Variants in FAM151A observed in about 807,000 individuals in gnomAD.
The protein encoded by FAM151A is family with sequence similarity 151 member A, also known as protein FAM151A.
In FAM151A, 41 loss-of-function variants were observed where a neutral mutation model predicts 40.4. The ratio of observed to expected loss-of-function variants is 1.01; its 90% CI spans 0.79 to 1.32. The LOEUF (loss-of-function observed/expected upper bound fraction) is 1.32. Among genes scored for constraint, FAM151A ranks in the 40% most tolerant of loss-of-function variants. The probability of loss-of-function intolerance (pLI) is 0.00; values close to 1 mark genes in which losing one functional copy is unlikely to be tolerated. For missense variants in FAM151A, 740 were observed against 740.4 expected, an observed-to-expected ratio of 1.00 and a Z score of 0.01; for synonymous variants, 337 against 312.5, an observed-to-expected ratio of 1.08 and a Z score of -0.83.
At chr1:54,610,129 T>G in intron 7 of FAM151A, 188 bp from the exon 8 acceptor site, 2 of 1,433,014 alleles carry the variant, frequency 1.4e-6, no homozygotes, top group Non-Finnish European at 1.8e-6. Flanking sequence ...CATGAGAAAC[T>G]CTTGTTTCAG....
At position 54,620,109 on chromosome 1, in the gene FAM151A, T is replaced by C. The variant is rs1292258694; in HGVS notation, c.119-102A>G. The C allele has an allele frequency of 5.6e-6, 7 of 1,255,684 alleles. No individual in the cohort carries two copies. The South Asian group carries it at 7.2e-5, about 13-fold the overall frequency. 77.8% of individuals were successfully genotyped at this position (1,255,684 alleles called of 1,614,324 possible). A position where few individuals can be genotyped will look rare whatever the true frequency, so the allele number is the denominator to read the frequency against. The stretch of plus-strand genomic sequence containing the variant: ...CTCCCTGGGCTCCCACTGTGTCCAG[T>C]ACCCCATCTGGCAGAGGGACGGTGA... On this transcript the variant is annotated intron_variant, in intron 1 of 7. Coordinates refer to ENST00000302250, the MANE Select transcript of FAM151A (RefSeq NM_176782.3).
At chr1:54,617,744 T>TA (rs1644188856) in intron 2 of FAM151A, among the ~76,000 whole-genome samples, 11 of 114,488 alleles carry the variant, frequency 9.6e-5, no homozygotes, top group African/African-American at 3.7e-4. Context: ...TTTTTTTTTT[T>TA]ATGAAGTCTC....
chr1:54,622,514 G>C (rs543949014), intron 1 of FAM151A, among the ~76,000 whole-genome samples: 1 of 151,994 alleles, frequency 6.6e-6, no homozygotes, highest in South Asian at 2.1e-4. Flanking sequence ...GGAGGCGGAG[G>C]TTGCAGTGAG....
rs376242637 is a variant in FAM151A at position 54,610,534 on chromosome 1, A to T, written c.962T>A (p.Met321Lys). The change falls in exon 7 of 8, where the codon ATG becomes AAG. Residue 321 changes from methionine (M) to lysine (K), a missense_variant. Physicochemically the swap from Met to Lys is moderately conservative, Grantham distance 95. Transcript: ENST00000302250. ...GATCAGGCTGCCTCCCGTGTAGTACATTGGTTTCCGTGTGGCATTCACTGT... is the reference window on the plus strand; with the variant it reads ...GATCAGGCTGCCTCCCGTGTAGTACTTTGGTTTCCGTGTGGCATTCACTGT... ...QLALNATRKP[M>K]YYTGGSLIPL... The T allele has an allele frequency of 6.8e-6, 11 of 1,612,616 alleles. No homozygotes were observed. The highest frequency in any genetic ancestry group is 8.5e-6 in the Non-Finnish European group (10 of 1,179,298).
In FAM151A at chr1:54,613,122, G is replaced by A. The variant is rs532455289; in HGVS notation, c.576-412C>T. ...CTGCCAGGTGTGGTGGCTCACACCTGTAATCCCAGCACTTTGGGAGGCTGA... is the reference window on the plus strand; with the variant it reads ...CTGCCAGGTGTGGTGGCTCACACCTATAATCCCAGCACTTTGGGAGGCTGA... On this transcript the variant is annotated intron_variant, in intron 4 of 7. Coordinates refer to ENST00000302250, the MANE Select transcript of FAM151A (RefSeq NM_176782.3). 9.2e-5 allele frequency among the ~76,000 whole-genome samples: 14 copies of A among 152,196 alleles called. No homozygotes were observed. In the South Asian group the frequency reaches 2.7e-3, roughly 29 times the overall value.
chr1:54,617,208 C>G (rs1644181898), intron 2 of FAM151A, among the ~76,000 whole-genome samples: 1 of 152,110 alleles, frequency 6.6e-6, no homozygotes, highest in Non-Finnish European at 1.5e-5. Flanking sequence ...TCAGACCTTT[C>G]TAATGGGAAG....
At position 54,609,335 on chromosome 1, in the gene FAM151A, G is replaced by T. The variant is rs1415817435; in HGVS notation, c.1691C>A (p.Thr564Asn). ...CTGGGGTAGCCTGTAGTAGACTCGG[G>T]TCCTGTCCACAGCCCTAGCTGCCAG... ...ALLAARAVDR[T>N]RVYYRLPQGY... is the part of the protein sequence containing the mutation. Residue 564 changes from threonine to asparagine, a missense_variant, in exon 8 of 8, where the codon ACC becomes AAC. Physicochemically the swap from Thr to Asn is moderately conservative, Grantham distance 65. Coordinates refer to ENST00000302250, the MANE Select transcript of FAM151A (RefSeq NM_176782.3). 1 of 1,614,064 alleles carries T rather than the reference G, an allele frequency of 6.2e-7. No individual in the cohort carries two copies. Among genetic ancestry groups the T allele is most frequent in the Non-Finnish European group, 8.5e-7 (1 of 1,179,944 alleles).
At chr1:54,617,793 G>T (rs182295626) in intron 2 of FAM151A, among the ~76,000 whole-genome samples, 1 of 135,202 alleles carries the variant, frequency 7.4e-6, no homozygotes, top group Non-Finnish European at 1.5e-5. Context: ...GCGTGATCAC[G>T]GCTCACTGCA....
At position 54,612,389 on chromosome 1, in the gene FAM151A, A is replaced by G. The variant is rs539049891; in HGVS notation, c.800+97T>C. The G allele has an allele frequency of 7.2e-5, 62 of 858,948 alleles. No individual in the cohort carries two copies. In the South Asian group the frequency reaches 8.3e-4, roughly 12 times the overall value. 53.2% of individuals were successfully genotyped at this position (858,948 alleles called of 1,614,324 possible). ...CATGAGCACTGGCAGGGGTTGGACG[A>G]AATGACCTTTAAGACCCTTCCAGCC... On this transcript the variant is annotated intron_variant, in intron 5 of 7. Transcript: ENST00000302250.
At position 54,614,708 on chromosome 1, in the gene FAM151A, A is replaced by G; in HGVS notation, c.567T>C (p.Asn189=). The change falls in exon 4 of 8, where the codon AAT becomes AAC. Residue 189 remains asparagine (N), a synonymous_variant. Coordinates refer to ENST00000302250, the MANE Select transcript of FAM151A (RefSeq NM_176782.3). ...GAGAGGCGAACACTCACTGTGTGGC[A>G]TTGACCTCAGTTGAGATGAGCATGT... ...GPNMLISTEV[N]ATQFLALVQE... 2.5e-6 allele frequency: 4 copies of G among 1,613,132 alleles called. No individual in the cohort carries two copies. The highest frequency in any genetic ancestry group is 3.4e-6 in the Non-Finnish European group (4 of 1,179,388).
In FAM151A at chr1:54,623,329, A is replaced by T; in HGVS notation, c.67T>A (p.Ser23Thr). The change falls in exon 1 of 8, where the codon TCT (serine) becomes ACT (threonine). Residue 23 changes from serine (S) to threonine (T), a missense_variant. Physicochemically the swap from Ser to Thr is moderately conservative, Grantham distance 58 (BLOSUM62 1). Transcript: ENST00000302250. ...KWVFAGITCV[S>T]VVVIAAIVLA... Reference sequence around the variant, plus strand: ...ACTATTGCGGCAATGACCACCACAGACACACAGGTAATGCCGGCAAACACC... The same window carrying T: ...ACTATTGCGGCAATGACCACCACAGTCACACAGGTAATGCCGGCAAACACC... The T allele has an allele frequency of 6.2e-7, 1 of 1,614,116 alleles. No individual in the cohort carries two copies. The highest frequency in any genetic ancestry group is 1.1e-5 in the South Asian group (1 of 91,078).
intron 1 of FAM151A, among the ~76,000 whole-genome samples, chr1:54,622,583 C>CA (rs1326599446): frequency 6.6e-6 from 1 of 150,834 alleles, no homozygotes; most frequent in Admixed American, 6.6e-5. Flanking sequence ...AAAAAAACCA[C>CA]AAAAAATTAG....
chr1:54,621,038 G>A (rs1432267734), intron 1 of FAM151A, among the ~76,000 whole-genome samples: 2 of 151,312 alleles, frequency 1.3e-5, no homozygotes, highest in African/African-American at 4.9e-5. Flanking sequence ...GCATGCGCCT[G>A]TAATCCCAAC....
At position 54,612,906 on chromosome 1, in the gene FAM151A, G is replaced by T. The variant is rs181277445; in HGVS notation, c.576-196C>A. On this transcript the variant is annotated intron_variant, in intron 4 of 7. Coordinates refer to ENST00000302250, the MANE Select transcript of FAM151A (RefSeq NM_176782.3). Reference sequence around the variant, plus strand: ...TGGACTTTGGAGTCAGGGAAGTCTGGGTTCAGATCCTGATTCTGATCTTGG... The same window carrying T: ...TGGACTTTGGAGTCAGGGAAGTCTGTGTTCAGATCCTGATTCTGATCTTGG... Among the ~76,000 whole-genome samples, 6 of 152,188 alleles carry T rather than the reference G, an allele frequency of 3.9e-5. No homozygotes were observed. In the East Asian group the frequency reaches 9.7e-4, roughly 25 times the overall value.
rs1557676034 is a variant in FAM151A, at chr1:54,623,310, G to A, written c.86C>T (p.Ala29Val). The A allele has an allele frequency of 6.2e-7, 1 of 1,614,076 alleles. No individual in the cohort carries two copies. The highest frequency in any genetic ancestry group is 8.5e-7 in the Non-Finnish European group (1 of 1,180,004). The stretch of plus-strand genomic sequence containing the variant: ...CCGCAGGGTGATGGCAAGGACTATT[G>A]CGGCAATGACCACCACAGACACACA... ...ITCVSVVVIAAIVLAITLRRP... is the reference protein window; with the variant it reads ...ITCVSVVVIAVIVLAITLRRP... The change falls in exon 1 of 8, where the codon GCA becomes GTA. Residue 29 changes from alanine (A) to valine (V), a missense_variant. Coordinates refer to ENST00000302250, the MANE Select transcript of FAM151A (RefSeq NM_176782.3).
At position 54,610,560 on chromosome 1, in the gene FAM151A, G is replaced by A; in HGVS notation, c.941-5C>T. 1 of 1,609,348 alleles carries A rather than the reference G, an allele frequency of 6.2e-7. No homozygotes were observed. The highest frequency in any genetic ancestry group is 8.5e-7 in the Non-Finnish European group (1 of 1,177,070). On this transcript the variant is annotated splice_region_variant and splice_polypyrimidine_tract_variant and intron_variant, in intron 6 of 7. Transcript: ENST00000302250. ...TTGGTTTCCGTGTGGCATTCACTGT[G>A]GGGCCCCAAATCGCCAAGGTGAAGT...
At chr1:54,611,995 T>A (rs1380621643) in intron 5 of FAM151A, among the ~76,000 whole-genome samples, 1 of 151,396 alleles carries the variant, frequency 6.6e-6, no homozygotes, top group Non-Finnish European at 1.5e-5. Context: ...TTGCAGTGTC[T>A]ATTTCTGAGT....
Position 54,609,282 on chromosome 1 carries a change from C to T in FAM151A, c.1744G>A (p.Val582Ile), listed in dbSNP as rs761175244. ...QGYHKDLLAH[V>I]GRN ...CCCCTGGGTGCTCAGTTTCTACCAA[C>T]ATGAGCCAGCAAGTCCTTGTGGTAG... Residue 582 changes from valine to isoleucine, a missense_variant, in exon 8 of 8, where the codon GTT (valine) becomes ATT (isoleucine). Physicochemically the swap from Val to Ile is conservative, Grantham distance 29 (BLOSUM62 3). Transcript: ENST00000302250. 6 of 1,605,522 alleles carry T rather than the reference C, an allele frequency of 3.7e-6. No individual in the cohort carries two copies. The Admixed American group carries it at 6.7e-5, about 18-fold the overall frequency.
chr1:54,610,817 G>A lies in FAM151A; in HGVS notation c.941-262C>T, dbSNP rs557569666. 1.4e-4 allele frequency: 135 copies of A among 985,402 alleles called. No homozygotes were observed. The African/African-American group carries it at 2.2e-3, about 16-fold the overall frequency. The allele number at this position is 985,402 out of a possible 1,614,324, so 61.0% of individuals were successfully genotyped here. A position where few individuals can be genotyped will look rare whatever the true frequency, so the allele number is the denominator to read the frequency against. ...TCCAGAGCTGGTATCCTTCCCGCTCGCTTAGGTGGCTCCCATGGCAGGAAT... is the reference window on the plus strand; with the variant it reads ...TCCAGAGCTGGTATCCTTCCCGCTCACTTAGGTGGCTCCCATGGCAGGAAT... On this transcript the variant is annotated intron_variant, in intron 6 of 7. Coordinates refer to ENST00000302250, the MANE Select transcript of FAM151A (RefSeq NM_176782.3).
Sources: allele counts gnomAD v4.1 joint callset (sites outside exome capture counted in the v4.1 genomes callset), GRCh38; gene constraint gnomAD v4.1.1; transcripts MANE v1.5; gene names NCBI Gene and HGNC (gene_info 2026-07-23, HGNC 2026-07-21).